Variants in UTRN observed in about 807,000 individuals in gnomAD.
UTRN encodes utrophin.
Under a neutral mutation model 463.9 loss-of-function variants are expected in UTRN, and 283 were observed. The ratio of observed to expected loss-of-function variants is 0.61; its 90% CI spans 0.55 to 0.67. The LOEUF is 0.67. UTRN is among the 30% of genes least tolerant of loss of function. The pLI is 0.00. For missense variants in UTRN, 3,922 were observed against 4,084.3 expected, an observed-to-expected ratio of 0.96 and a Z score of 1.08; for synonymous variants, 1,442 against 1,431.5, an observed-to-expected ratio of 1.01 and a Z score of -0.17.
At chr6:144,497,513 C>CAA (rs527551923) in intron 33 of UTRN, among the ~76,000 whole-genome samples, 2,763 of 110,656 alleles carry the variant, frequency 0.025, 105 homozygotes, top group African/African-American at 0.083. Flanking sequence ...CGTCTCTACT[C>CAA]AAAAAAAAAA....
At chr6:144,756,825 A>C (rs137999040) in intron 57 of UTRN, among the ~76,000 whole-genome samples, 2 of 152,086 alleles carry the variant, frequency 1.3e-5, no homozygotes, top group East Asian at 3.9e-4. Flanking sequence ...ATCACATCTG[A>C]GCTCGACCGT....
intron 73 of UTRN, among the ~76,000 whole-genome samples, chr6:144,844,279 T>TG (rs1356506304): frequency 2.0e-5 from 3 of 152,002 alleles, no homozygotes; most frequent in Non-Finnish European, 4.4e-5. Context: ...TCTTTTTTTT[T>TG]TTTTTCTGAG....
At chr6:144,412,198 A>G (rs907883433) in intron 3 of UTRN, among the ~76,000 whole-genome samples, 1 of 152,314 alleles carries the variant, frequency 6.6e-6, no homozygotes, top group East Asian at 1.9e-4. Flanking sequence ...TTTTTAAAAC[A>G]TCTATTATTT....
intron 44 of UTRN, among the ~76,000 whole-genome samples, chr6:144,538,334 T>G (rs1419957956): frequency 6.6e-6 from 1 of 152,186 alleles, no homozygotes; most frequent in Non-Finnish European, 1.5e-5. Context: ...AAATACTTGT[T>G]GCAGAACACT....
chr6:144,531,211 T>C lies in UTRN; in HGVS notation c.6057+9T>C, dbSNP rs765353575. The C allele has an allele frequency of 6.2e-7, 1 of 1,613,308 alleles. No homozygotes were observed. Among genetic ancestry groups the C allele is most frequent in the East Asian group, 2.2e-5 (1 of 44,868 alleles). Reference sequence around the variant, plus strand: ...CCAGGATACATCAGCAGGTGAGTGCTTTCTGTTAGAGGAGGGGGACTGCAC... The same window carrying C: ...CCAGGATACATCAGCAGGTGAGTGCCTTCTGTTAGAGGAGGGGGACTGCAC... On this transcript the variant is annotated intron_variant, in intron 42 of 74. Transcript: ENST00000367545.
At chr6:144,531,309 A>G (rs1585145479) in intron 42 of UTRN, 107 bp downstream of exon 42, 4 of 1,150,158 alleles carry the variant, frequency 3.5e-6, no homozygotes, top group African/African-American at 1.6e-5. Flanking sequence ...TCAGAAGTCA[A>G]TGGACAATTT....
chr6:144,452,038 T>G (rs1032259934), intron 18 of UTRN, among the ~76,000 whole-genome samples: 1 of 152,240 alleles, frequency 6.6e-6, no homozygotes, highest in African/African-American at 2.4e-5. Context: ...ATACGTCTCC[T>G]ACACATTACT....
chr6:144,525,568 C>G (rs1026001954), intron 41 of UTRN, among the ~76,000 whole-genome samples: 23 of 151,974 alleles, frequency 1.5e-4, no homozygotes, highest in Non-Finnish European at 1.2e-4. Context: ...TGGATCCTCT[C>G]TCTTTTCTTG....
In UTRN at chr6:144,572,911, C is replaced by T. The variant is rs1801087787; in HGVS notation, c.7290-4188C>T. 2.6e-5 allele frequency among the ~76,000 whole-genome samples: 4 copies of T among 151,970 alleles called. No individual in the cohort carries two copies. In the South Asian group the frequency reaches 8.3e-4, roughly 32 times the overall value. The stretch of plus-strand genomic sequence containing the variant: ...GATTTATAATCTTTTGCATATATAC[C>T]CAGTAATGGGATTGCTGGGTCAAAT... On this transcript the variant is annotated intron_variant, in intron 50 of 74. Transcript: ENST00000367545.
intron 2 of UTRN, among the ~76,000 whole-genome samples, chr6:144,360,591 C>T (rs1398747352): frequency 6.6e-6 from 1 of 152,224 alleles, no homozygotes. Context: ...CCCACACCGG[C>T]ATGCCTTTGC....
chr6:144,422,115 G>A (rs929679174), intron 4 of UTRN, 145 bp downstream of exon 4: 2 of 625,286 alleles, frequency 3.2e-6, no homozygotes, highest in African/African-American at 1.9e-5. Flanking sequence ...TTTTAACAAA[G>A]CATTTTAATG....
intron 2 of UTRN, among the ~76,000 whole-genome samples, chr6:144,320,609 G>A (rs774511709): frequency 1.1e-4 from 17 of 152,166 alleles, no homozygotes; most frequent in Non-Finnish European, 2.2e-4. Context: ...CTCTGTGCAG[G>A]AAGCAAGGGA....
In UTRN at chr6:144,602,414, C is replaced by A. The variant is rs944562118; in HGVS notation, c.7479+25126C>A. Reference sequence around the variant, plus strand: ...TTGGCCTCCTAAAGTGCTGGAATTACAGGCGTGAGCCACTGTGCCCGGCCT... The same window carrying A: ...TTGGCCTCCTAAAGTGCTGGAATTAAAGGCGTGAGCCACTGTGCCCGGCCT... On this transcript the variant is annotated intron_variant, in intron 51 of 74. Transcript: ENST00000367545. 1.1e-4 allele frequency among the ~76,000 whole-genome samples: 17 copies of A among 152,190 alleles called. No individual in the cohort carries two copies. In the East Asian group the frequency reaches 2.7e-3, roughly 24 times the overall value.
chr6:144,403,983 G>A (rs991943420), intron 3 of UTRN, among the ~76,000 whole-genome samples: 8 of 152,198 alleles, frequency 5.3e-5, no homozygotes, highest in African/African-American at 1.9e-4. Flanking sequence ...TTTTAATGAA[G>A]AGTTGCTTTT....
chr6:144,548,955 G>A, intron 47 of UTRN, 101 bp downstream of exon 47: 1 of 1,256,102 alleles, frequency 8.0e-7, no homozygotes, highest in African/African-American at 1.5e-5. Flanking sequence ...ATGAGAGAAT[G>A]AGGTTTAAAA....
At chr6:144,769,019 G>A (rs1221516496) in intron 58 of UTRN, among the ~76,000 whole-genome samples, 2 of 149,040 alleles carry the variant, frequency 1.3e-5, no homozygotes, top group Admixed American at 1.4e-4. Flanking sequence ...TTTAAAGAGA[G>A]GATTTTTAGT....
rs138906007 is a variant in UTRN, at chr6:144,721,466, C to T, written c.7810-8891C>T. Reference sequence around the variant, plus strand: ...TCAAGCAATCCTCCTGCCTTGGCCTCCCAAAGTGCTGGGATTACAGTTATG... The same window carrying T: ...TCAAGCAATCCTCCTGCCTTGGCCTTCCAAAGTGCTGGGATTACAGTTATG... On this transcript the variant is annotated intron_variant, in intron 53 of 74. Transcript: ENST00000367545. Among the ~76,000 whole-genome samples, 296 of 152,328 alleles carry T rather than the reference C, an allele frequency of 1.9e-3. 4 individuals carry two copies. The highest frequency in any genetic ancestry group is 6.9e-3 in the African/African-American group (286 of 41,568).
chr6:144,776,945 A>G (rs1030149646), intron 60 of UTRN, among the ~76,000 whole-genome samples: 2 of 152,128 alleles, frequency 1.3e-5, no homozygotes, highest in African/African-American at 2.4e-5. Context: ...GAGGTTTTCT[A>G]TGGCTCCTCA....
intron 1 of UTRN, among the ~76,000 whole-genome samples, chr6:144,289,761 G>T (rs1259279783): frequency 6.6e-6 from 1 of 152,108 alleles, no homozygotes; most frequent in Admixed American, 6.5e-5. Context: ...TGATTCTCCT[G>T]CCTCAGCCTC....
Sources: allele counts gnomAD v4.1 joint callset (sites outside exome capture counted in the v4.1 genomes callset), GRCh38; gene constraint gnomAD v4.1.1; transcripts MANE v1.5; gene names NCBI Gene and HGNC (gene_info 2026-07-23, HGNC 2026-07-21).